NKAIN2: variants seen among roughly 807,000 people sequenced by gnomAD.
The protein encoded by NKAIN2 is sodium/potassium-transporting ATPase subunit beta-1-interacting protein 2.
A neutral mutation model predicts 32.6 loss-of-function variants in NKAIN2; 14 were observed. That is an observed-to-expected ratio of 0.43 (90% CI 0.28 to 0.67). The LOEUF is 0.67. Ranked by LOEUF, NKAIN2 falls within the 30% of genes least tolerant of loss-of-function variation. NKAIN2 has a pLI of 0.17. For missense variants in NKAIN2, 198 were observed against 258.3 expected (o/e 0.77, Z 1.60); for synonymous variants, 80 against 87.2 (o/e 0.92, Z 0.46).
At chr6:124,050,564 A>C (rs1197291740) in intron 1 of NKAIN2, among the ~76,000 whole-genome samples, 1 of 152,004 alleles carries the variant, frequency 6.6e-6, no homozygotes, top group African/African-American at 2.4e-5. Flanking sequence ...TTGTACAAAA[A>C]GATTGGCAAA....
intron 2 of NKAIN2, among the ~76,000 whole-genome samples, chr6:124,353,682 G>A (rs535672287): frequency 6.6e-6 from 1 of 152,088 alleles, no homozygotes; most frequent in East Asian, 1.9e-4. Flanking sequence ...TTGAACCTGG[G>A]AGGAGGAGCT....
intron 3 of NKAIN2, among the ~76,000 whole-genome samples, chr6:124,412,885 C>T (rs1336867497): frequency 3.9e-5 from 6 of 152,326 alleles, no homozygotes; most frequent in Non-Finnish European, 8.8e-5. Flanking sequence ...GGGCGCCCCT[C>T]CCCGAGCCTC....
At chr6:124,221,588 A>G (rs1335099418) in intron 1 of NKAIN2, among the ~76,000 whole-genome samples, 3 of 152,122 alleles carry the variant, frequency 2.0e-5, no homozygotes, top group South Asian at 4.1e-4. Flanking sequence ...AAATAAAACG[A>G]TAATTAAGGT....
intron 1 of NKAIN2, among the ~76,000 whole-genome samples, chr6:123,881,224 G>A (rs1773439209): frequency 6.6e-6 from 1 of 152,178 alleles, no homozygotes; most frequent in African/African-American, 2.4e-5. Flanking sequence ...ATTTCACCAT[G>A]TTGGCCAGGC....
At chr6:124,529,577 C>G (rs1779445570) in intron 3 of NKAIN2, among the ~76,000 whole-genome samples, 2 of 152,120 alleles carry the variant, frequency 1.3e-5, no homozygotes, top group Non-Finnish European at 1.5e-5. Context: ...GGAAGGAAAA[C>G]CCTGCTTTGG....
intron 3 of NKAIN2, among the ~76,000 whole-genome samples, chr6:124,524,680 A>G (rs752376857): frequency 3.9e-5 from 6 of 152,218 alleles, no homozygotes; most frequent in African/African-American, 1.2e-4. Context: ...AAACTGACAG[A>G]GCCAGCTGGT....
chr6:124,670,680 T>TGTGTGTGTGTG (rs1554248182), intron 4 of NKAIN2, among the ~76,000 whole-genome samples: 11 of 151,326 alleles, frequency 7.3e-5, no homozygotes, highest in Admixed American at 1.3e-4. Flanking sequence ...TGTGTGTGTG[T>TGTGTGTGTGTG]TGCATAATAG....
chr6:124,376,608 A>G (rs962562612), intron 3 of NKAIN2, among the ~76,000 whole-genome samples: 3 of 152,164 alleles, frequency 2.0e-5, no homozygotes, highest in East Asian at 1.9e-4. Flanking sequence ...AGAACATGTG[A>G]CAAGTATAAA....
intron 1 of NKAIN2, among the ~76,000 whole-genome samples, chr6:124,042,532 G>A (rs371631530): frequency 9.7e-4 from 147 of 152,030 alleles, no homozygotes; most frequent in African/African-American, 3.4e-3. Flanking sequence ...CTTTACTCGT[G>A]GGGGAAAAAA....
chr6:124,591,202 C>T (rs1197789435), intron 3 of NKAIN2, among the ~76,000 whole-genome samples: 1 of 152,216 alleles, frequency 6.6e-6, no homozygotes, highest in African/African-American at 2.4e-5. Context: ...AATGTACCAT[C>T]ACATGATTTA....
chr6:124,359,278 C>T (rs866557362), intron 3 of NKAIN2, among the ~76,000 whole-genome samples: 14 of 152,156 alleles, frequency 9.2e-5, no homozygotes, highest in Middle Eastern at 6.8e-3. Flanking sequence ...TCCATATGAA[C>T]TTTAAAGTAG....
intron 3 of NKAIN2, among the ~76,000 whole-genome samples, chr6:124,406,341 T>C (rs1210917530): frequency 2.0e-5 from 3 of 152,192 alleles, no homozygotes; most frequent in Admixed American, 1.3e-4. Context: ...TCATACAATA[T>C]GTATGTACTC....
chr6:124,474,107 A>ATT (rs66832812), intron 3 of NKAIN2, among the ~76,000 whole-genome samples: 40 of 149,750 alleles, frequency 2.7e-4, no homozygotes, highest in African/African-American at 6.6e-4. Context: ...TTAGGACTGT[A>ATT]TTTTTTTTTT....
chr6:123,927,991 T>A (rs1776080582), intron 1 of NKAIN2, among the ~76,000 whole-genome samples: 1 of 152,048 alleles, frequency 6.6e-6, no homozygotes, highest in African/African-American at 2.4e-5. Flanking sequence ...GTTGGTTTCA[T>A]AACTAAAAGG....
intron 2 of NKAIN2, among the ~76,000 whole-genome samples, chr6:124,354,582 A>C (rs1246619069): frequency 6.6e-6 from 1 of 152,090 alleles, no homozygotes; most frequent in Non-Finnish European, 1.5e-5. Flanking sequence ...AGGCAGAAAG[A>C]CTGATTTGAT....
intron 1 of NKAIN2, among the ~76,000 whole-genome samples, chr6:124,057,424 G>A (rs1782708554): frequency 6.6e-6 from 1 of 152,042 alleles, no homozygotes; most frequent in African/African-American, 2.4e-5. Context: ...GTGGGAAATG[G>A]TAGTGTATAT....
intron 1 of NKAIN2, among the ~76,000 whole-genome samples, chr6:124,196,107 C>G (rs947741062): frequency 2.0e-5 from 3 of 152,048 alleles, no homozygotes; most frequent in Non-Finnish European, 4.4e-5. Flanking sequence ...ACCTCATTAT[C>G]TGATTTGAGA....
At chr6:124,512,289 C>T (rs1778744138) in intron 3 of NKAIN2, among the ~76,000 whole-genome samples, 2 of 152,086 alleles carry the variant, frequency 1.3e-5, no homozygotes, top group African/African-American at 2.4e-5. Flanking sequence ...TTATCTCTGC[C>T]GGAGGCTCTA....
chr6:124,599,434 T>G (rs190494387), intron 3 of NKAIN2, among the ~76,000 whole-genome samples: 52 of 152,228 alleles, frequency 3.4e-4, no homozygotes, highest in Non-Finnish European at 5.9e-5. Flanking sequence ...TTTAGTCTAT[T>G]CCCTAAGCCT....
Sources: allele counts gnomAD v4.1 joint callset (sites outside exome capture counted in the v4.1 genomes callset), GRCh38; gene constraint gnomAD v4.1.1; transcripts MANE v1.5; gene names NCBI Gene and HGNC (gene_info 2026-07-23, HGNC 2026-07-21).